UBA6: variants seen among roughly 807,000 people sequenced by gnomAD.
The protein encoded by UBA6 is ubiquitin like modifier activating enzyme 6.
A neutral mutation model predicts 148.3 loss-of-function variants in UBA6; 87 were observed. The ratio of observed to expected loss-of-function variants is 0.59; its 90% CI spans 0.49 to 0.70. The LOEUF (loss-of-function observed/expected upper bound fraction) is 0.70, where lower values mean the gene tolerates loss of function less well. Among genes scored for constraint, UBA6 ranks in the 30% least tolerant of loss-of-function variants. The probability of loss-of-function intolerance (pLI) is 0.00; values close to 1 mark genes in which losing one functional copy is unlikely to be tolerated. For missense variants in UBA6, 1,186 were observed against 1,241.2 expected, an observed-to-expected ratio of 0.96 and a Z score of 0.67; for synonymous variants, 376 against 401.0, an observed-to-expected ratio of 0.94 and a Z score of 0.75.
chr4:67,649,550 A>AT (rs569316206), intron 13 of UBA6, among the ~76,000 whole-genome samples: 85 of 152,192 alleles, frequency 5.6e-4, no homozygotes, highest in East Asian at 3.1e-3. Context: ...AAATAAACAG[A>AT]TTTTTTTTAA....
rs377289306 is a variant in UBA6, at chr4:67,619,113, G to A, written c.3043C>T (p.Pro1015Ser). The A allele has an allele frequency of 4.4e-6, 7 of 1,604,994 alleles. No homozygotes were observed. The African/African-American group carries it at 8.0e-5, about 18-fold the overall frequency. The change falls in exon 33 of 33, where the codon CCT becomes TCT. Residue 1015 changes from proline (P) to serine (S), a missense_variant. Coordinates refer to ENST00000322244, the MANE Select transcript of UBA6 (RefSeq NM_018227.6). ...TCCACATATTTCTTTTCAGTAGTAG[G>A]TTTTACAAGTTTATGCATTCTAAGA... ...LKLTMHKLVKPTTEKKYVDLT... is the reference protein window; with the variant it reads ...LKLTMHKLVKSTTEKKYVDLT...
At chr4:67,622,471 T>G (rs555261414) in intron 32 of UBA6, among the ~76,000 whole-genome samples, 3 of 152,348 alleles carry the variant, frequency 2.0e-5, no homozygotes, top group African/African-American at 7.2e-5. Context: ...ACTAGAATAG[T>G]ACCTGGCACA....
chr4:67,630,624 G>T, intron 25 of UBA6, 89 bp from the exon 26 acceptor site: 1 of 787,164 alleles, frequency 1.3e-6, no homozygotes, highest in Non-Finnish European at 1.9e-6. Flanking sequence ...TTTAAATGTA[G>T]TTTGAAGAAA....
chr4:67,636,424 G>A (rs963461756), intron 19 of UBA6, among the ~76,000 whole-genome samples: 6 of 152,068 alleles, frequency 3.9e-5, no homozygotes, highest in African/African-American at 1.4e-4. Context: ...TCTTTCCATG[G>A]TCTCCCTCTG....
In UBA6 at chr4:67,673,785, G is replaced by A. The variant is rs748316821; in HGVS notation, c.466-8C>T. On this transcript the variant is annotated splice_polypyrimidine_tract_variant and splice_region_variant and intron_variant, in intron 6 of 32. Coordinates refer to ENST00000322244, the MANE Select transcript of UBA6 (RefSeq NM_018227.6). ...CTCAGTCAATACTACACACTGTTGAGAAAACAACAAATTAAAAACTAGAAA... is the reference window on the plus strand; with the variant it reads ...CTCAGTCAATACTACACACTGTTGAAAAAACAACAAATTAAAAACTAGAAA... 6.3e-7 allele frequency: 1 copy of A among 1,579,980 alleles called. No homozygotes were observed. Among genetic ancestry groups the A allele is most frequent in the Non-Finnish European group, 8.6e-7 (1 of 1,159,154 alleles).
intron 2 of UBA6, among the ~76,000 whole-genome samples, chr4:67,693,899 G>A (rs191328934): frequency 6.6e-6 from 1 of 151,996 alleles, no homozygotes; most frequent in Admixed American, 6.6e-5. Flanking sequence ...GTCCCCATAA[G>A]CAACAGATAC....
rs1397513403 is a variant in UBA6 at position 67,624,174 on chromosome 4, G to A, written c.2792C>T (p.Pro931Leu). ...YKNCFLNLAI[P>L]IVVFTETTEV... The stretch of plus-strand genomic sequence containing the variant: ...AGTTGTCTCTGTAAATACTACAATT[G>A]GAATGGCTAAGTTAAGAAAACAATT... Residue 931 changes from proline (P) to leucine (L), a missense_variant, in exon 30 of 33, where the codon CCA (proline) becomes CTA (leucine). Transcript: ENST00000322244. 6.2e-7 allele frequency: 1 copy of A among 1,608,092 alleles called. No individual in the cohort carries two copies.
rs746746154 is a variant in UBA6, at chr4:67,634,510, G to C, written c.1851C>G (p.Pro617=). 2 of 1,564,870 alleles carry C rather than the reference G, an allele frequency of 1.3e-6. No homozygotes were observed. Among genetic ancestry groups the C allele is most frequent in the Non-Finnish European group, 8.6e-7 (1 of 1,164,058 alleles). Residue 617 remains proline, a synonymous_variant, in exon 21 of 33, where the codon CCC becomes CCG. Transcript: ENST00000322244. The part of the protein sequence containing the change: ...LTESYNSHRD[P]PEEEIPFCTL... ...TACAAAATGGTATTTCCTCTTCTGGGGGATCCCGCTAATTTATAAAATATG... is the reference window on the plus strand; with the variant it reads ...TACAAAATGGTATTTCCTCTTCTGGCGGATCCCGCTAATTTATAAAATATG...
At chr4:67,696,588 GATT>G in intron 2 of UBA6, 54 bp downstream of exon 2, 1 of 1,365,386 alleles carries the variant, frequency 7.3e-7, no homozygotes, top group Non-Finnish European at 1.0e-6. Flanking sequence ...GAGACTACTT[GATT>G]ATTTGAGAAC....
chr4:67,616,245 T>C lies in UBA6; in HGVS notation c.*2752A>G. ...TCGCTAAATCCATACACAGTGATTA[T>C]ATAAAATTAGATATTTGCAATCACA... On this transcript the variant is annotated 3_prime_UTR_variant, in exon 33 of 33. Transcript: ENST00000322244. The C allele has an allele frequency of 2.5e-6, 1 of 394,388 alleles. No homozygotes were observed. The highest frequency in any genetic ancestry group is 4.5e-6 in the Non-Finnish European group (1 of 223,274). The allele number at this position is 394,388 out of a possible 1,614,324, so 24.4% of individuals were successfully genotyped here.
chr4:67,683,448 T>C (rs1730487598), intron 2 of UBA6, among the ~76,000 whole-genome samples: 1 of 152,134 alleles, frequency 6.6e-6, no homozygotes, highest in Non-Finnish European at 1.5e-5. Flanking sequence ...CACTTAAGAG[T>C]TGTTTCTCTG....
At chr4:67,661,424 T>C (rs1282984200) in intron 13 of UBA6, among the ~76,000 whole-genome samples, 1 of 152,206 alleles carries the variant, frequency 6.6e-6, no homozygotes, top group East Asian at 1.9e-4. Context: ...GCAGTTCCCC[T>C]GCTTGTACTC....
intron 13 of UBA6, among the ~76,000 whole-genome samples, chr4:67,652,317 T>C (rs539954431): frequency 5.3e-5 from 8 of 152,280 alleles, no homozygotes; most frequent in African/African-American, 1.9e-4. Context: ...GACATATGAA[T>C]GGCAAATAAG....
At chr4:67,624,813 T>C (rs1319894276) in intron 29 of UBA6, among the ~76,000 whole-genome samples, 181 bp downstream of exon 29, 1 of 152,130 alleles carries the variant, frequency 6.6e-6, no homozygotes, top group African/African-American at 2.4e-5. Context: ...TGTATATTTA[T>C]GTAATACTTC....
chr4:67,634,409 A>G lies in UBA6; in HGVS notation c.1932+20T>C, dbSNP rs777391411. On this transcript the variant is annotated intron_variant, in intron 21 of 32. Coordinates refer to ENST00000322244, the MANE Select transcript of UBA6 (RefSeq NM_018227.6). Reference sequence around the variant, plus strand: ...TTCTTTCTCACTTCAAAGAAAATAAATTTAAAAAGGAACTTTTACCTTATC... The same window carrying G: ...TTCTTTCTCACTTCAAAGAAAATAAGTTTAAAAAGGAACTTTTACCTTATC... The G allele has an allele frequency of 1.0e-5, 16 of 1,565,592 alleles. 1 individual carries two copies. The South Asian group carries it at 1.2e-4, about 12-fold the overall frequency.
rs1463670986 is a variant in UBA6, at chr4:67,614,928, T to G, written c.*4069A>C. ...ACTTTACAAAAACAGAAAGTCAAAT[T>G]GGCCAATAAACTTATGAAAAAATAC... is the stretch of plus-strand genomic sequence containing the variant. On this transcript the variant is annotated 3_prime_UTR_variant, in exon 33 of 33. Transcript: ENST00000322244. The G allele has an allele frequency of 6.6e-6, 1 of 152,088 alleles. No individual in the cohort carries two copies. The highest frequency in any genetic ancestry group is 1.5e-5 in the Non-Finnish European group (1 of 68,006). 9.4% of individuals were successfully genotyped at this position (152,088 alleles called of 1,614,324 possible).
rs1213011024 is a variant in UBA6, at chr4:67,616,681, A to T, written c.*2316T>A. The stretch of plus-strand genomic sequence containing the variant: ...AGGTAATGTCCTTCCACACCTAATA[A>T]CTGCTGTATCTCCATGATTGCAAAC... On this transcript the variant is annotated 3_prime_UTR_variant, in exon 33 of 33. Coordinates refer to ENST00000322244, the MANE Select transcript of UBA6 (RefSeq NM_018227.6). 1.3e-5 allele frequency: 2 copies of T among 152,072 alleles called. No individual in the cohort carries two copies. Among genetic ancestry groups the T allele is most frequent in the African/African-American group, 4.8e-5 (2 of 41,430 alleles). 9.4% of individuals were successfully genotyped at this position (152,072 alleles called of 1,614,324 possible).
intron 1 of UBA6, among the ~76,000 whole-genome samples, chr4:67,698,679 G>C (rs1730898094): frequency 6.6e-6 from 1 of 152,176 alleles, no homozygotes; most frequent in East Asian, 1.9e-4. Context: ...TGTTAAATGG[G>C]ATGGGCGCGG....
At chr4:67,631,684 A>G (rs1729000180) in intron 25 of UBA6, 24 bp downstream of exon 25, 2 of 1,553,466 alleles carry the variant, frequency 1.3e-6, no homozygotes, top group Non-Finnish European at 1.8e-6. Context: ...TGAAGGATAC[A>G]TAAAACTAAA....
Sources: gnomAD v4.1 joint callset for allele counts (sites outside exome capture counted in the v4.1 genomes callset) on GRCh38, gnomAD v4.1.1 for gene constraint, MANE v1.5 for transcripts, NCBI Gene and HGNC (gene_info 2026-07-23, HGNC 2026-07-21) for gene names.